Variants in TG observed in about 807,000 individuals in gnomAD.
TG encodes the protein thyroglobulin.
In TG, 270 loss-of-function variants were observed where a neutral mutation model predicts 324.7. That is an observed-to-expected ratio of 0.83 (90% confidence interval 0.75 to 0.92). The LOEUF is 0.92. Ranked by LOEUF, TG falls within the 40% of genes least tolerant of loss-of-function variation. The probability of loss-of-function intolerance (pLI) is 0.00; values close to 1 mark genes in which losing one functional copy is unlikely to be tolerated. For missense variants in TG, 3,591 were observed against 3,456.4 expected, an observed-to-expected ratio of 1.04 and a Z score of -0.98; for synonymous variants, 1,401 against 1,327.0, an observed-to-expected ratio of 1.06 and a Z score of -1.21.
At chr8:133,080,546 C>A (rs1459681369) in intron 41 of TG, among the ~76,000 whole-genome samples, 2 of 152,144 alleles carry the variant, frequency 1.3e-5, no homozygotes, top group African/African-American at 4.8e-5. Context: ...AAGACTCAGG[C>A]CCTGCTGCTA....
In TG at chr8:133,116,692, C is replaced by T. The variant is rs767739755; in HGVS notation, c.7838C>T (p.Ala2613Val). 2 of 1,614,234 alleles carry T rather than the reference C, an allele frequency of 1.2e-6. No homozygotes were observed. Among genetic ancestry groups the T allele is most frequent in the Non-Finnish European group, 1.7e-6 (2 of 1,180,028 alleles). Reference protein sequence around the residue: ...RARGNVFMYHAPENYGHGSLE... With the variant: ...RARGNVFMYHVPENYGHGSLE... ...CGAGGAAACGTCTTCATGTACCATG[C>T]TCCTGAAAACTACGGCCATGGCAGG... Residue 2613 changes from alanine (A) to valine (V), a missense_variant, in exon 45 of 48, where the codon GCT becomes GTT. Physicochemically the swap from Ala to Val is moderately conservative, Grantham distance 64 (BLOSUM62 0). Coordinates refer to ENST00000220616, the MANE Select transcript of TG (RefSeq NM_003235.5).
chr8:132,890,322 A>G (rs1347813708), intron 10 of TG, among the ~76,000 whole-genome samples: 1 of 152,204 alleles, frequency 6.6e-6, no homozygotes, highest in African/African-American at 2.4e-5. Context: ...TAGTATGTGT[A>G]TATGCCTTAT....
intron 11 of TG, among the ~76,000 whole-genome samples, chr8:132,895,939 G>A (rs987867400): frequency 6.6e-6 from 1 of 152,334 alleles, no homozygotes; most frequent in Admixed American, 6.5e-5. Flanking sequence ...GTCTGAGCTT[G>A]TAGAGGAAAG....
Position 132,996,453 on chromosome 8 carries a change from GA to G in TG, c.6262+13048del, listed in dbSNP as rs200984794. On this transcript the variant is annotated intron_variant, in intron 35 of 47. Coordinates refer to ENST00000220616, the MANE Select transcript of TG (RefSeq NM_003235.5). ...CTATTTATGGATTAGGGCAGTTTAT[GA>G]AAAAAATAGTACTATTGCTGCTGTT... 8.2e-3 allele frequency among the ~76,000 whole-genome samples: 1,245 copies of G among 152,062 alleles called. 16 individuals are homozygous for G. Among genetic ancestry groups the G allele is most frequent in the African/African-American group, 0.029 (1,191 of 41,478 alleles).
intron 41 of TG, among the ~76,000 whole-genome samples, chr8:133,094,135 C>T (rs1848029342): frequency 1.3e-5 from 2 of 152,272 alleles, no homozygotes; most frequent in South Asian, 4.1e-4. Context: ...CTCATTTGTT[C>T]CTCCCAGGCG....
intron 41 of TG, among the ~76,000 whole-genome samples, chr8:133,046,314 A>G (rs1309392176): frequency 1.3e-5 from 2 of 152,334 alleles, no homozygotes; most frequent in African/African-American, 2.4e-5. Flanking sequence ...ATTGCCCCCA[A>G]TTATTTTAAA....
At chr8:132,992,746 C>T (rs964601787) in intron 35 of TG, among the ~76,000 whole-genome samples, 42 of 152,286 alleles carry the variant, frequency 2.8e-4, no homozygotes, top group Non-Finnish European at 4.6e-4. Context: ...GTTTGTTCCT[C>T]CTCTGCTCTG....
rs1282569877 is a variant in TG, at chr8:133,093,104, A to T, written c.7240-1940A>T. The stretch of plus-strand genomic sequence containing the variant: ...CGGAGTTTTGAGCTTGAATATTTTG[A>T]GTGTGTGTGTGTGTGTTTTCTTTTC... On this transcript the variant is annotated intron_variant, in intron 41 of 47. Transcript: ENST00000220616. Among the ~76,000 whole-genome samples the T allele has an allele frequency of 2.8e-5, 4 of 144,648 alleles. No homozygotes were observed. In the East Asian group the frequency reaches 6.0e-4, roughly 22 times the overall value. The allele number at this position is 144,648 out of a possible 152,430, so 94.9% of individuals were successfully genotyped here. A position where few individuals can be genotyped will look rare whatever the true frequency, so the allele number is the denominator to read the frequency against.
intron 34 of TG, among the ~76,000 whole-genome samples, chr8:132,982,772 G>C (rs1272515885): frequency 6.6e-6 from 1 of 152,204 alleles, no homozygotes; most frequent in African/African-American, 2.4e-5. Flanking sequence ...TGTGAAAACT[G>C]AGGCCCAGAA....
chr8:133,013,754 C>T lies in TG; in HGVS notation c.6552C>T (p.Tyr2184=). Residue 2184 remains tyrosine, a synonymous_variant, in exon 37 of 48, where the codon TAC becomes TAT. Coordinates refer to ENST00000220616, the MANE Select transcript of TG (RefSeq NM_003235.5). The part of the protein sequence containing the change: ...LLLREEATHI[Y]RKPGISLLSY... ...TTCGTGAAGAGGCCACCCACATCTA[C>T]CGGAAGCCAGGTAAGCCCAAGCCTA... 6.2e-7 allele frequency: 1 copy of T among 1,610,894 alleles called. No individual in the cohort carries two copies. The highest frequency in any genetic ancestry group is 8.5e-7 in the Non-Finnish European group (1 of 1,179,938).
intron 12 of TG, 152 bp downstream of exon 12, chr8:132,897,938 A>T (rs1369182314): frequency 2.9e-6 from 3 of 1,039,880 alleles, no homozygotes; most frequent in Non-Finnish European, 4.4e-6. Flanking sequence ...GCCTCCAGTT[A>T]TCTCACTTGT....
chr8:132,935,944 T>C, intron 25 of TG, 80 bp downstream of exon 25: 2 of 1,124,578 alleles, frequency 1.8e-6, no homozygotes, highest in Admixed American at 1.9e-5. Flanking sequence ...AGCAGGTGCA[T>C]GTGAGGAGGA....
intron 14 of TG, among the ~76,000 whole-genome samples, chr8:132,899,257 A>G (rs757771820): frequency 4.6e-5 from 7 of 152,234 alleles, no homozygotes; most frequent in Non-Finnish European, 1.0e-4. Flanking sequence ...CCAAGGCCCT[A>G]TGCTTACAGT....
chr8:132,908,416 A>G, intron 18 of TG, 76 bp downstream of exon 18: 1 of 1,276,958 alleles, frequency 7.8e-7, no homozygotes, highest in Non-Finnish European at 1.1e-6. Flanking sequence ...CTGAGGGCTC[A>G]CATTAACACA....
At chr8:133,068,025 G>T (rs893706017) in intron 41 of TG, among the ~76,000 whole-genome samples, 1 of 152,164 alleles carries the variant, frequency 6.6e-6, no homozygotes, top group African/African-American at 2.4e-5. Context: ...GCTGCCTGGG[G>T]CTGGGGGCTC....
At chr8:133,007,268 G>A (rs1326815443) in intron 35 of TG, among the ~76,000 whole-genome samples, 3 of 152,160 alleles carry the variant, frequency 2.0e-5, no homozygotes, top group South Asian at 2.1e-4. Context: ...GAGAGGCGGG[G>A]ACGGAAGAAA....
At chr8:132,877,284 C>T (rs1392681846) in intron 5 of TG, among the ~76,000 whole-genome samples, 1 of 152,028 alleles carries the variant, frequency 6.6e-6, no homozygotes, top group Non-Finnish European at 1.5e-5. Context: ...GGATTACAGG[C>T]ATGCGCCACC....
chr8:132,936,724 C>G (rs762975328), intron 25 of TG, among the ~76,000 whole-genome samples: 1 of 152,202 alleles, frequency 6.6e-6, no homozygotes, highest in Non-Finnish European at 1.5e-5. Context: ...TCTGCCCCAC[C>G]CTGCTCACCC....
intron 35 of TG, among the ~76,000 whole-genome samples, chr8:132,990,754 A>G (rs1244361630): frequency 2.6e-5 from 4 of 152,186 alleles, no homozygotes; most frequent in African/African-American, 9.7e-5. Context: ...TTTGGAAGCT[A>G]AGGCTCAGAG....
Sources: allele counts gnomAD v4.1 joint callset (sites outside exome capture counted in the v4.1 genomes callset), GRCh38; gene constraint gnomAD v4.1.1; transcripts MANE v1.5; gene names NCBI Gene and HGNC (gene_info 2026-07-23, HGNC 2026-07-21).